The following NATD1 variants were observed in gnomAD, a reference collection of about 807,000 sequenced individuals.
NATD1 encodes the protein protein NATD1.
Under a neutral mutation model 12.0 loss-of-function variants are expected in NATD1, and 9 were observed. That is an observed-to-expected ratio of 0.75 (90% CI 0.45 to 1.30). NATD1 has a LOEUF of 1.30. Among genes scored for constraint, NATD1 ranks in the 50% most tolerant of loss-of-function variants. NATD1 has a pLI of 0.00. For missense variants in NATD1, 148 were observed against 148.5 expected, an observed-to-expected ratio of 1.00 and a Z score of 0.02; for synonymous variants, 71 against 65.9, an observed-to-expected ratio of 1.08 and a Z score of -0.37.
rs1233602147 is a variant in NATD1, at chr17:21,241,403, G to C, written c.*1910C>G. On this transcript the variant is annotated 3_prime_UTR_variant, in exon 3 of 3. Transcript: ENST00000611551. ...TTAGGGAGGGTAAAAGAGGACCCTA[G>C]CTCTGCTGCCCTGGGACAGTAAGGG... The C allele has an allele frequency of 6.6e-6, 1 of 152,328 alleles. No individual in the cohort carries two copies. The highest frequency in any genetic ancestry group is 6.5e-5 in the Admixed American group (1 of 15,288). The allele number at this position is 152,328 out of a possible 1,614,324, so 9.4% of individuals were successfully genotyped here. A position where few individuals can be genotyped will look rare whatever the true frequency, so the allele number is the denominator to read the frequency against.
At position 21,244,217 on chromosome 17, in the gene NATD1, A is replaced by G. The variant is rs552233492; in HGVS notation, c.114T>C (p.His38=). The G allele has an allele frequency of 3.1e-6, 5 of 1,611,564 alleles. No individual in the cohort carries two copies. The highest frequency in any genetic ancestry group is 3.4e-6 in the Non-Finnish European group (4 of 1,178,950). ...RQFTVRLNGC[H]DRAVLLYEYV... Reference sequence around the variant, plus strand: ...ACTCATAGAGCAGGACGGCCCGGTCATGACATCCTGGGGGTTGTGGAGACA... The same window carrying G: ...ACTCATAGAGCAGGACGGCCCGGTCGTGACATCCTGGGGGTTGTGGAGACA... The change falls in exon 2 of 3, where the codon CAT becomes CAC. Residue 38 remains histidine (H), a synonymous_variant. Transcript: ENST00000611551. This position sits in a 1 kb window ranked among gnomAD's most constrained non-coding sequence, Gnocchi z 5.2.
chr17:21,243,906 G>A (rs1597783961), intron 2 of NATD1, among the ~76,000 whole-genome samples, 200 bp downstream of exon 2: 1 of 152,186 alleles, frequency 6.6e-6, no homozygotes, highest in Admixed American at 6.5e-5. Flanking sequence ...CACAGGAGGT[G>A]TGTGAGGATC....
Position 21,243,303 on chromosome 17 carries a change from C to G in NATD1, c.*10G>C. On this transcript the variant is annotated 3_prime_UTR_variant, in exon 3 of 3. Coordinates refer to ENST00000611551, the MANE Select transcript of NATD1 (RefSeq NM_152914.3). Reference sequence around the variant, plus strand: ...GTCCGGCAGGGAGCGCTCCCGCCTGCAGGCCAGGGTTACGGCTGCAGGCGC... The same window carrying G: ...GTCCGGCAGGGAGCGCTCCCGCCTGGAGGCCAGGGTTACGGCTGCAGGCGC... 1 of 1,609,662 alleles carries G rather than the reference C, an allele frequency of 6.2e-7. No individual in the cohort carries two copies. The highest frequency in any genetic ancestry group is 8.5e-7 in the Non-Finnish European group (1 of 1,178,744).
At position 21,242,779 on chromosome 17, in the gene NATD1, A is replaced by G. The variant is rs1975288156; in HGVS notation, c.*534T>C. 1 of 153,824 alleles carries G rather than the reference A, an allele frequency of 6.5e-6. No individual in the cohort carries two copies. The highest frequency in any genetic ancestry group is 2.4e-5 in the African/African-American group (1 of 41,418). The allele number at this position is 153,824 out of a possible 1,614,324, so 9.5% of individuals were successfully genotyped here. On this transcript the variant is annotated 3_prime_UTR_variant, in exon 3 of 3. Transcript: ENST00000611551. ...TGCTGGTCTCTGTCAGGGAGAGCTG[A>G]CCCTTTCCAGGGCCCTGCCTGCACT... is the stretch of plus-strand genomic sequence containing the variant.
intron 1 of NATD1, among the ~76,000 whole-genome samples, chr17:21,245,180 G>C (rs1259176057): frequency 6.6e-6 from 1 of 152,162 alleles, no homozygotes; most frequent in Admixed American, 6.6e-5. Flanking sequence ...GGAACAGCCA[G>C]TGCAAAGGCT....
rs1014393983 is a variant in NATD1 at position 21,238,966 on chromosome 17, A to G, written c.*4347T>C. The G allele has an allele frequency of 1.3e-5, 2 of 152,186 alleles. No individual in the cohort carries two copies. Among genetic ancestry groups the G allele is most frequent in the Non-Finnish European group, 2.9e-5 (2 of 68,042 alleles). The allele number at this position is 152,186 out of a possible 1,614,324, so 9.4% of individuals were successfully genotyped here. A position where few individuals can be genotyped will look rare whatever the true frequency, so the allele number is the denominator to read the frequency against. Reference sequence around the variant, plus strand: ...AAATTTGATTCTGCAGGTTGCAGTTACAACACAAGTTGAAGTCACAGCCTT... The same window carrying G: ...AAATTTGATTCTGCAGGTTGCAGTTGCAACACAAGTTGAAGTCACAGCCTT... On this transcript the variant is annotated 3_prime_UTR_variant, in exon 3 of 3. Transcript: ENST00000611551.
chr17:21,246,295 C>T (rs1975324252), intron 1 of NATD1, among the ~76,000 whole-genome samples: 1 of 152,096 alleles, frequency 6.6e-6, no homozygotes, highest in South Asian at 2.1e-4. Flanking sequence ...GGGTGGATCA[C>T]CTGAGTTCAG....
chr17:21,248,511 C>A (rs1013171363), intron 1 of NATD1, among the ~76,000 whole-genome samples: 4 of 152,106 alleles, frequency 2.6e-5, no homozygotes, highest in African/African-American at 9.7e-5. Flanking sequence ...GGGACCCTTC[C>A]TTCTCATTTC....
chr17:21,248,567 C>T (rs921278807), intron 1 of NATD1, among the ~76,000 whole-genome samples: 4 of 152,196 alleles, frequency 2.6e-5, no homozygotes, highest in East Asian at 1.9e-4. Context: ...CCTGACCACC[C>T]GCAGCCCCCA....
At chr17:21,247,471 G>A (rs139246758) in intron 1 of NATD1, among the ~76,000 whole-genome samples, 3 of 152,280 alleles carry the variant, frequency 2.0e-5, no homozygotes, top group East Asian at 1.9e-4. Context: ...TCCACACAAC[G>A]ATCCTCACAA....
chr17:21,245,966 C>T (rs1425208375), intron 1 of NATD1, among the ~76,000 whole-genome samples: 1 of 152,202 alleles, frequency 6.6e-6, no homozygotes, highest in East Asian at 1.9e-4. Context: ...GTTCTTGGCT[C>T]CCCACCTGCT....
chr17:21,253,313 G>A lies in NATD1; in HGVS notation c.-49C>T. 2.4e-6 allele frequency: 2 copies of A among 836,884 alleles called. No homozygotes were observed. Among genetic ancestry groups the A allele is most frequent in the South Asian group, 1.0e-4 (2 of 19,156 alleles). The allele number at this position is 836,884 out of a possible 1,614,324, so 51.8% of individuals were successfully genotyped here. A position where few individuals can be genotyped will look rare whatever the true frequency, so the allele number is the denominator to read the frequency against. On this transcript the variant is annotated 5_prime_UTR_variant, in exon 1 of 3. Transcript: ENST00000611551. ...CGCCGGCGGGGGCCGGGGCGCGCGGGGAAAGGTCAGGCGCGCGGCGGGGCT... is the reference window on the plus strand; with the variant it reads ...CGCCGGCGGGGGCCGGGGCGCGCGGAGAAAGGTCAGGCGCGCGGCGGGGCT...
chr17:21,251,785 T>C (rs1975379063), intron 1 of NATD1, among the ~76,000 whole-genome samples: 1 of 152,088 alleles, frequency 6.6e-6, no homozygotes, highest in Non-Finnish European at 1.5e-5. Flanking sequence ...GTCAGACCAG[T>C]CAGGACGCCA....
At chr17:21,252,383 A>C (rs1975384923) in intron 1 of NATD1, among the ~76,000 whole-genome samples, 1 of 152,206 alleles carries the variant, frequency 6.6e-6, no homozygotes, top group Non-Finnish European at 1.5e-5. Flanking sequence ...CGATCGGGCC[A>C]CGTTTACCAG....
chr17:21,250,261 G>C (rs1975362992), intron 1 of NATD1, among the ~76,000 whole-genome samples: 1 of 152,192 alleles, frequency 6.6e-6, no homozygotes, highest in Non-Finnish European at 1.5e-5. Flanking sequence ...CTTTGCTCTT[G>C]CTATTCCCTC....
At chr17:21,252,583 C>G (rs143466335) in intron 1 of NATD1, among the ~76,000 whole-genome samples, 1 of 152,160 alleles carries the variant, frequency 6.6e-6, no homozygotes, top group South Asian at 2.1e-4. Flanking sequence ...GCCATCCCCC[C>G]GCCCCTCACT....
rs1344774049 is a variant in NATD1 at position 21,241,429 on chromosome 17, G to C, written c.*1884C>G. On this transcript the variant is annotated 3_prime_UTR_variant, in exon 3 of 3. Coordinates refer to ENST00000611551, the MANE Select transcript of NATD1 (RefSeq NM_152914.3). ...CTCTGCTGCCCTGGGACAGTAAGGG[G>C]AAGGCCCAGGCCTGGCTGCCCATCC... The C allele has an allele frequency of 6.6e-6, 1 of 152,462 alleles. No homozygotes were observed. Among genetic ancestry groups the C allele is most frequent in the African/African-American group, 2.4e-5 (1 of 41,456 alleles). The allele number at this position is 152,462 out of a possible 1,614,324, so 9.4% of individuals were successfully genotyped here. A position where few individuals can be genotyped will look rare whatever the true frequency, so the allele number is the denominator to read the frequency against.
chr17:21,248,600 G>A (rs935172043), intron 1 of NATD1, among the ~76,000 whole-genome samples: 3 of 152,202 alleles, frequency 2.0e-5, no homozygotes, highest in African/African-American at 7.2e-5. Context: ...AGGACACCAG[G>A]GTAGCACTGT....
chr17:21,248,440 T>C (rs894660463), intron 1 of NATD1, among the ~76,000 whole-genome samples: 15 of 152,194 alleles, frequency 9.9e-5, no homozygotes, highest in Non-Finnish European at 2.1e-4. Context: ...CAGCTGCCTC[T>C]CTGGCCTCCC....
Sources: allele counts gnomAD v4.1 joint callset (sites outside exome capture counted in the v4.1 genomes callset), GRCh38; gene constraint gnomAD v4.1.1; non-coding constraint Gnocchi (gnomAD v3.1); transcripts MANE v1.5; gene names NCBI Gene and HGNC (gene_info 2026-07-23, HGNC 2026-07-21).